CAST: variants seen among roughly 807,000 people sequenced by gnomAD.
The protein encoded by CAST is calpastatin, also known as MIR583 host.
Under a neutral mutation model 119.6 loss-of-function variants are expected in CAST, and 76 were observed. The ratio of observed to expected loss-of-function variants is 0.64; its 90% CI spans 0.53 to 0.77. The LOEUF is 0.77. CAST is among the 30% of genes least tolerant of loss of function. CAST has a pLI of 0.00. For missense variants in CAST, 953 were observed against 946.5 expected (o/e 1.01, Z -0.09); for synonymous variants, 319 against 331.6 (o/e 0.96, Z 0.41).
chr5:96,544,868 C>T (rs1356182540), intron 1 of CAST, among the ~76,000 whole-genome samples: 1 of 150,398 alleles, frequency 6.6e-6, no homozygotes, highest in African/African-American at 2.4e-5. Flanking sequence ...AAGAAACTTG[C>T]TTTAAATATA....
the CAST span, among the ~76,000 whole-genome samples, chr5:95,994,665 T>G: frequency 6.6e-6 from 1 of 152,076 alleles, no homozygotes. Context: ...AGACTGAAAT[T>G]AATAAGACAC....
the CAST span, chr5:96,392,876 A>G: frequency 1.2e-5 from 12 of 979,176 alleles, no homozygotes; most frequent in Non-Finnish European, 1.8e-5. Flanking sequence ...GGAGAAAAAG[A>G]AAAGGTGCCA....
chr5:96,504,069 T>A, the CAST span, among the ~76,000 whole-genome samples: 1 of 152,188 alleles, frequency 6.6e-6, no homozygotes, highest in African/African-American at 2.4e-5. Context: ...TTGACCATTG[T>A]GTGCTTTCTC....
intron 1 of CAST, among the ~76,000 whole-genome samples, chr5:96,591,631 ATAATC>A (rs1012555869): frequency 2.0e-5 from 3 of 152,194 alleles, no homozygotes; most frequent in African/African-American, 7.2e-5. Flanking sequence ...GAGCTAATTT[ATAATC>A]TAAGAAGCAG....
At chr5:95,964,882 G>C in the CAST span, 3 of 151,482 alleles carry the variant, frequency 2.0e-5, no homozygotes, top group Admixed American at 6.6e-5. Context: ...CAGGAAAAAG[G>C]CTAAAAGGAA....
intron 1 of CAST, among the ~76,000 whole-genome samples, chr5:96,549,678 C>T (rs905505344): frequency 7.2e-5 from 11 of 152,192 alleles, no homozygotes; most frequent in Admixed American, 4.6e-4. Context: ...AGGAACAGTA[C>T]ACTCCTGCCC....
the CAST span, among the ~76,000 whole-genome samples, chr5:96,197,385 C>T: frequency 6.6e-6 from 1 of 152,108 alleles, no homozygotes; most frequent in African/African-American, 2.4e-5. Flanking sequence ...TGCTGCTTTT[C>T]TGAGGGGTTT....
At chr5:96,558,643 C>T (rs947509353) in intron 1 of CAST, among the ~76,000 whole-genome samples, 14 of 152,146 alleles carry the variant, frequency 9.2e-5, no homozygotes, top group Non-Finnish European at 2.9e-5. Context: ...ATACACCCTC[C>T]CAAGACTAAA....
At chr5:96,059,347 C>T in the CAST span, among the ~76,000 whole-genome samples, 1 of 152,072 alleles carries the variant, frequency 6.6e-6, no homozygotes, top group Non-Finnish European at 1.5e-5. Context: ...AAGTTTTGGA[C>T]CTGAGCCAGT....
chr5:96,729,022 C>T, intron 6 of CAST, 131 bp from the exon 7 acceptor site: 1 of 623,022 alleles, frequency 1.6e-6, no homozygotes, highest in Non-Finnish European at 2.9e-6. Flanking sequence ...AAGAGTGGGC[C>T]TGAGTGGGCC....
At chr5:96,662,574 G>A in intron 1 of CAST, 77 bp downstream of exon 1, 1 of 1,304,656 alleles carries the variant, frequency 7.7e-7, no homozygotes, top group Non-Finnish European at 9.7e-7. Flanking sequence ...GCCCTCCCTG[G>A]GCGTTGCCAG....
the CAST span, among the ~76,000 whole-genome samples, chr5:96,482,507 C>T: frequency 1.3e-3 from 205 of 151,854 alleles, no homozygotes; most frequent in African/African-American, 4.9e-3. Flanking sequence ...CGCTTATAGG[C>T]ATTAGTGCCT....
the CAST span, chr5:96,399,138 C>G: frequency 1.2e-6 from 1 of 801,706 alleles, no homozygotes; most frequent in Non-Finnish European, 2.1e-6. Flanking sequence ...CTCAACTAAG[C>G]TTTTTGTCAC....
At chr5:96,655,083 G>A (rs2150205644) in intron 1 of CAST, among the ~76,000 whole-genome samples, 1 of 152,236 alleles carries the variant, frequency 6.6e-6, no homozygotes, top group South Asian at 2.1e-4. Context: ...AGAGGATACT[G>A]AATATTTTTC....
the CAST span, among the ~76,000 whole-genome samples, chr5:96,160,102 T>C: frequency 6.6e-6 from 1 of 151,670 alleles, no homozygotes; most frequent in Non-Finnish European, 1.5e-5. Flanking sequence ...ATTGCACCAC[T>C]GCACTCCAGC....
chr5:96,741,645 T>A, intron 15 of CAST, 65 bp downstream of exon 15: 1 of 1,047,376 alleles, frequency 9.5e-7, no homozygotes, highest in Non-Finnish European at 1.5e-6. Context: ...TTCAGGAAAC[T>A]GCCAGTAGCA....
the CAST span, among the ~76,000 whole-genome samples, chr5:96,342,967 A>AT: frequency 6.6e-6 from 1 of 152,162 alleles, no homozygotes; most frequent in Admixed American, 6.6e-5. Context: ...ACAAAAAGTT[A>AT]TTGTGTATGA....
chr5:96,025,149 C>T, the CAST span, among the ~76,000 whole-genome samples: 8 of 152,252 alleles, frequency 5.3e-5, 1 homozygote, highest in African/African-American at 1.9e-4. Flanking sequence ...GTTCAAGTTG[C>T]TGTAACAAAT....
At position 96,746,324 on chromosome 5, in the gene CAST, C is replaced by T. The variant is rs774932116; in HGVS notation, c.1201-18C>T. On this transcript the variant is annotated intron_variant, in intron 16 of 31. Transcript: ENST00000675179. ...TGCATTATCCAACTACTTTTTTTTT[C>T]CCCTCCATTTTCATCAGGCAAAAGC... 2.4e-5 allele frequency: 35 copies of T among 1,447,804 alleles called. No individual in the cohort carries two copies. Among genetic ancestry groups the T allele is most frequent in the Non-Finnish European group, 2.9e-5 (30 of 1,032,888 alleles). 89.7% of individuals were successfully genotyped at this position (1,447,804 alleles called of 1,614,324 possible).
Sources: gnomAD v4.1 joint callset for allele counts (sites outside exome capture counted in the v4.1 genomes callset) on GRCh38, gnomAD v4.1.1 for gene constraint, MANE v1.5 for transcripts, NCBI Gene and HGNC (gene_info 2026-07-23, HGNC 2026-07-21) for gene names.